HOOK1: variants seen among roughly 807,000 people sequenced by gnomAD.
HOOK1 encodes protein Hook homolog 1.
HOOK1 carries 60 observed loss-of-function variants against 112.8 expected under a neutral mutation model. That is an observed-to-expected ratio of 0.53 (90% CI 0.43 to 0.66). HOOK1 has a LOEUF of 0.66. Among genes scored for constraint, HOOK1 ranks in the 30% least tolerant of loss-of-function variants. The pLI, the probability that HOOK1 is intolerant of heterozygous loss-of-function variation, is 0.00. For missense variants in HOOK1, 770 were observed against 856.0 expected (o/e 0.90, Z 1.25); for synonymous variants, 294 against 283.8 (o/e 1.04, Z -0.36).
chr1:59,815,293 C>T (rs2098380420), intron 1 of HOOK1, 113 bp downstream of exon 1: 7 of 953,522 alleles, frequency 7.3e-6, no homozygotes, highest in Non-Finnish European at 1.1e-5. Context: ...CCGGCGCACC[C>T]TGCCCTTCTC....
intron 18 of HOOK1, among the ~76,000 whole-genome samples, chr1:59,865,632 T>A (rs1204001228): frequency 6.6e-6 from 1 of 152,126 alleles, no homozygotes; most frequent in Non-Finnish European, 1.5e-5. Flanking sequence ...GAAAAAGAAC[T>A]AAATAAAGCA....
intron 21 of HOOK1, among the ~76,000 whole-genome samples, chr1:59,872,573 A>G (rs1174692290): frequency 6.6e-6 from 1 of 152,144 alleles, no homozygotes; most frequent in African/African-American, 2.4e-5. Context: ...GTTTTAAATA[A>G]TTTTAAATTT....
chr1:59,843,730 C>T (rs1288114924), intron 9 of HOOK1, 132 bp downstream of exon 9: 2 of 667,048 alleles, frequency 3.0e-6, no homozygotes, highest in African/African-American at 3.7e-5. Context: ...CCTGAAAATA[C>T]CAGATGGTAT....
intron 6 of HOOK1, 41 bp downstream of exon 6, chr1:59,835,453 C>T (rs752738926): frequency 2.7e-6 from 3 of 1,111,800 alleles, no homozygotes; most frequent in South Asian, 2.8e-5. Flanking sequence ...AAATCCTAAA[C>T]CAAATTATAC....
At chr1:59,869,274 C>T (rs1287104529) in intron 20 of HOOK1, among the ~76,000 whole-genome samples, 1 of 151,964 alleles carries the variant, frequency 6.6e-6, no homozygotes, top group African/African-American at 2.4e-5. Flanking sequence ...TCACTGCAAC[C>T]TCCGCCTCCC....
Position 59,860,173 on chromosome 1 carries a change from G to T in HOOK1, c.1392-15G>T. 1.9e-6 allele frequency: 3 copies of T among 1,550,782 alleles called. No homozygotes were observed. The highest frequency in any genetic ancestry group is 2.6e-6 in the Non-Finnish European group (3 of 1,153,812). ...ATTTTTAAAAATTAAAAAAGATTTT[G>T]CTTTGTAACATCAGGGAGGTGTTTA... On this transcript the variant is annotated splice_polypyrimidine_tract_variant and intron_variant, in intron 14 of 21. Coordinates refer to ENST00000371208, the MANE Select transcript of HOOK1 (RefSeq NM_015888.6).
intron 7 of HOOK1, among the ~76,000 whole-genome samples, chr1:59,839,324 C>A (rs1158382765): frequency 6.6e-6 from 1 of 152,116 alleles, no homozygotes; most frequent in Non-Finnish European, 1.5e-5. Context: ...TTCTTCCTAC[C>A]CATGAGCATG....
Position 59,815,028 on chromosome 1 carries a change from G to C in HOOK1, c.-90G>C. On this transcript the variant is annotated 5_prime_UTR_variant, in exon 1 of 22. Coordinates refer to ENST00000371208, the MANE Select transcript of HOOK1 (RefSeq NM_015888.6). ...GGCCTGGTACCGAGCTTTCCTGGGG[G>C]CTAGCAGGTCGTGGACGCCGGCTCC... The C allele has an allele frequency of 7.5e-7, 1 of 1,329,614 alleles. No homozygotes were observed. Among genetic ancestry groups the C allele is most frequent in the Non-Finnish European group, 1.0e-6 (1 of 960,298 alleles). 82.4% of individuals were successfully genotyped at this position (1,329,614 alleles called of 1,614,324 possible).
intron 2 of HOOK1, among the ~76,000 whole-genome samples, chr1:59,826,913 C>T (rs1029163333): frequency 6.6e-6 from 1 of 152,162 alleles, no homozygotes; most frequent in Non-Finnish European, 1.5e-5. Flanking sequence ...CAGGCATGTG[C>T]CACCATGCCT....
rs914289791 is a variant in HOOK1, at chr1:59,815,029, C to A, written c.-89C>A. 6 of 1,334,438 alleles carry A rather than the reference C, an allele frequency of 4.5e-6. No homozygotes were observed. The African/African-American group carries it at 5.8e-5, about 13-fold the overall frequency. The allele number at this position is 1,334,438 out of a possible 1,614,324, so 82.7% of individuals were successfully genotyped here. A position where few individuals can be genotyped will look rare whatever the true frequency, so the allele number is the denominator to read the frequency against. On this transcript the variant is annotated 5_prime_UTR_variant, in exon 1 of 22. Transcript: ENST00000371208. ...GCCTGGTACCGAGCTTTCCTGGGGG[C>A]TAGCAGGTCGTGGACGCCGGCTCCT...
chr1:59,840,217 T>C (rs1212870361), intron 7 of HOOK1, 91 bp from the exon 8 acceptor site: 2 of 682,816 alleles, frequency 2.9e-6, no homozygotes, highest in Non-Finnish European at 4.5e-6. Flanking sequence ...TATCAGTGTA[T>C]ATGTGTGTTG....
chr1:59,835,308 G>A, intron 5 of HOOK1, 37 bp from the exon 6 acceptor site: 1 of 1,153,964 alleles, frequency 8.7e-7, no homozygotes, highest in Non-Finnish European at 1.3e-6. Flanking sequence ...TGTGTAAAGA[G>A]TAGATTTTTT....
chr1:59,828,899 A>G (rs747232966), intron 3 of HOOK1, 47 bp downstream of exon 3: 37 of 1,427,288 alleles, frequency 2.6e-5, no homozygotes, highest in African/African-American at 1.7e-4. Context: ...CAGTGGTCCT[A>G]AAGTTAGCAC....
intron 9 of HOOK1, among the ~76,000 whole-genome samples, chr1:59,845,739 A>C (rs2098403410): frequency 6.6e-6 from 1 of 151,842 alleles, no homozygotes; most frequent in African/African-American, 2.4e-5. Flanking sequence ...TTCATACTTT[A>C]TTATCCTGTA....
intron 11 of HOOK1, 69 bp from the exon 12 acceptor site, chr1:59,849,004 G>T: frequency 1.2e-6 from 1 of 818,778 alleles, no homozygotes; most frequent in Non-Finnish European, 1.9e-6. Flanking sequence ...ACTCAATTCT[G>T]AAAGACTATT....
At chr1:59,818,561 ATAAAT>A (rs1428342232) in intron 1 of HOOK1, among the ~76,000 whole-genome samples, 1 of 152,226 alleles carries the variant, frequency 6.6e-6, no homozygotes, top group African/African-American at 2.4e-5. Context: ...TTGTATAAAG[ATAAAT>A]TTAATTCTGC....
At position 59,848,510 on chromosome 1, in the gene HOOK1, A is replaced by G; in HGVS notation, c.1125A>G (p.Lys375=). 6.2e-7 allele frequency: 1 copy of G among 1,601,024 alleles called. No homozygotes were observed. Among genetic ancestry groups the G allele is most frequent in the Non-Finnish European group, 8.5e-7 (1 of 1,171,042 alleles). The change falls in exon 11 of 22, where the codon AAA becomes AAG. Residue 375 remains lysine, a synonymous_variant. Transcript: ENST00000371208. ...CACGTACACAATTAGAAACATACAA[A>G]AGGCAGGTAAGAAACATCTTAATTT... The part of the protein sequence containing the change: ...NAARTQLETY[K]RQVQDLHVKL...
Position 59,832,214 on chromosome 1 carries a change from G to GT in HOOK1, c.273+2dup, listed in dbSNP as rs775581836. 52 of 1,547,998 alleles carry GT rather than the reference G, an allele frequency of 3.4e-5. No homozygotes were observed. Among genetic ancestry groups the GT allele is most frequent in the Non-Finnish European group, 4.6e-5 (52 of 1,137,614 alleles). On this transcript the variant is annotated splice_donor_variant, in intron 4 of 21. Transcript: ENST00000371208. LOFTEE classifies it high-confidence loss of function. Reference sequence around the variant, plus strand: ...AGGAATTATGAGTTATTATCATGAGGTATGAAAACCATCTGACTTTGTTTA... The same window carrying GT: ...AGGAATTATGAGTTATTATCATGAGGTTATGAAAACCATCTGACTTTGTTTA...
In HOOK1 at chr1:59,875,828, A is replaced by C. The variant is rs1249779985; in HGVS notation, c.*2863A>C. 1.3e-5 allele frequency: 2 copies of C among 152,250 alleles called. No homozygotes were observed. The highest frequency in any genetic ancestry group is 6.5e-5 in the Admixed American group (1 of 15,292). The allele number at this position is 152,250 out of a possible 1,614,324, so 9.4% of individuals were successfully genotyped here. Reference sequence around the variant, plus strand: ...GATGAATAAGGCTGTCAAATGATTTAGTATAGATTAATGACATCTTTTTTA... The same window carrying C: ...GATGAATAAGGCTGTCAAATGATTTCGTATAGATTAATGACATCTTTTTTA... On this transcript the variant is annotated 3_prime_UTR_variant, in exon 22 of 22. Coordinates refer to ENST00000371208, the MANE Select transcript of HOOK1 (RefSeq NM_015888.6).
Sources: allele counts gnomAD v4.1 joint callset (sites outside exome capture counted in the v4.1 genomes callset), GRCh38; gene constraint gnomAD v4.1.1; transcripts MANE v1.5; gene names NCBI Gene and HGNC (gene_info 2026-07-23, HGNC 2026-07-21).